Variants in PVT1 observed in about 807,000 individuals in gnomAD.
PVT1 encodes the protein Pvt1 oncogene.
intron 3 of PVT1, among the ~76,000 whole-genome samples, chr8:127,985,785 A>G (rs1816962668): frequency 6.6e-6 from 1 of 152,156 alleles, no homozygotes; most frequent in Non-Finnish European, 1.5e-5. Flanking sequence ...TGCAGGTACC[A>G]TAGTCTACCT....
At chr8:127,943,149 G>A (rs1025568052) in intron 3 of PVT1, among the ~76,000 whole-genome samples, 2 of 152,196 alleles carry the variant, frequency 1.3e-5, no homozygotes, top group African/African-American at 4.8e-5. Flanking sequence ...GACAGAAGGA[G>A]GTCCTGCACA....
chr8:127,981,121 C>T lies in PVT1; in HGVS notation n.783-8041C>T, dbSNP rs149538756. On this transcript the variant is annotated intron_variant and non_coding_transcript_variant, in intron 3 of 10. Coordinates refer to ENST00000651587, the Ensembl canonical transcript of PVT1. ...TTAGAGCCCAGCTTATACCCAGTTA[C>T]TTAGCTTCTGTGTGTGTGTGTGTTT... 2.2e-4 allele frequency among the ~76,000 whole-genome samples: 33 copies of T among 152,224 alleles called. 1 individual carries two copies. The highest frequency in any genetic ancestry group is 2.9e-5 in the Non-Finnish European group (2 of 68,004).
chr8:127,845,440 A>C (rs917482948), intron 2 of PVT1, among the ~76,000 whole-genome samples: 1 of 152,106 alleles, frequency 6.6e-6, no homozygotes, highest in African/African-American at 2.4e-5. Context: ...GACAGAGGGG[A>C]GAGGGTGAAA....
intron 3 of PVT1, among the ~76,000 whole-genome samples, chr8:127,956,719 G>A (rs550925602): frequency 1.3e-5 from 2 of 152,336 alleles, no homozygotes; most frequent in Middle Eastern, 3.4e-3. Flanking sequence ...TCTTGACCTC[G>A]TGATCCGCCT....
intron 4 of PVT1, among the ~76,000 whole-genome samples, chr8:128,038,148 C>T (rs759988344): frequency 9.9e-5 from 15 of 152,124 alleles, no homozygotes; most frequent in Non-Finnish European, 2.1e-4. Context: ...CTTCTTGACC[C>T]TTCGAAAAAT....
chr8:127,912,332 TATA>T (rs1156848805), intron 3 of PVT1, among the ~76,000 whole-genome samples: 1 of 152,224 alleles, frequency 6.6e-6, no homozygotes, highest in East Asian at 1.9e-4. Context: ...GCAACCACCC[TATA>T]ATAAGTACTA....
At chr8:127,954,852 GTGTGC>G (rs1211798625) in intron 3 of PVT1, among the ~76,000 whole-genome samples, 19 of 152,300 alleles carry the variant, frequency 1.2e-4, no homozygotes, top group African/African-American at 4.6e-4. Context: ...AGCGCTTTCT[GTGTGC>G]TGCCACATTT....
chr8:127,968,675 C>T (rs1816729507), intron 3 of PVT1, among the ~76,000 whole-genome samples: 1 of 152,158 alleles, frequency 6.6e-6, no homozygotes, highest in African/African-American at 2.4e-5. Flanking sequence ...GTCCTAACCC[C>T]TGTGCCCTTG....
At chr8:128,078,045 G>T (rs1198766069) in intron 5 of PVT1, among the ~76,000 whole-genome samples, 1 of 152,178 alleles carries the variant, frequency 6.6e-6, no homozygotes, top group Non-Finnish European at 1.5e-5. Flanking sequence ...TCTGACTTAG[G>T]GTGATCACAC....
intron 2 of PVT1, among the ~76,000 whole-genome samples, chr8:127,831,606 G>A (rs1033225466): frequency 6.6e-6 from 1 of 152,190 alleles, no homozygotes; most frequent in African/African-American, 2.4e-5. Context: ...ATGGCCACTA[G>A]TGGTAGGGGT....
Position 127,984,874 on chromosome 8 carries a change from TTTC to T in PVT1, n.783-4285_783-4283del, listed in dbSNP as rs1264646839. Among the ~76,000 whole-genome samples the T allele has an allele frequency of 6.7e-4, 55 of 82,446 alleles. 6 individuals are homozygous for T. The highest frequency in any genetic ancestry group is 2.0e-3 in the African/African-American group (48 of 23,876). The allele number at this position is 82,446 out of a possible 152,430, so 54.1% of individuals were successfully genotyped here. A position where few individuals can be genotyped will look rare whatever the true frequency, so the allele number is the denominator to read the frequency against. ...CTTTCTTTCTTTCTTTCTTTCTTTCTTTCTTTCTTTCTTTCTTTCTTTCTTTCT... is the reference window on the plus strand; with the variant it reads ...CTTTCTTTCTTTCTTTCTTTCTTTCTTTTCTTTCTTTCTTTCTTTCTTTCT... On this transcript the variant is annotated intron_variant and non_coding_transcript_variant, in intron 3 of 10. Transcript: ENST00000651587.
At chr8:127,959,814 G>A (rs938555797) in intron 3 of PVT1, among the ~76,000 whole-genome samples, 4 of 152,110 alleles carry the variant, frequency 2.6e-5, no homozygotes, top group Non-Finnish European at 5.9e-5. Context: ...TGAGCAGCCC[G>A]TCAGGAGCCC....
chr8:127,997,010 A>C (rs1376693919), intron 4 of PVT1, among the ~76,000 whole-genome samples: 2 of 145,642 alleles, frequency 1.4e-5, no homozygotes, highest in Non-Finnish European at 3.0e-5. Context: ...ACCCATGGGC[A>C]CTGAACTGGA....
chr8:128,085,153 C>A (rs1052388250), intron 5 of PVT1, among the ~76,000 whole-genome samples: 3 of 152,122 alleles, frequency 2.0e-5, no homozygotes, highest in African/African-American at 7.2e-5. Flanking sequence ...GACTGTCAAG[C>A]CGAAGAGGTC....
chr8:127,941,139 C>T (rs541588342), intron 3 of PVT1, among the ~76,000 whole-genome samples: 3 of 152,330 alleles, frequency 2.0e-5, no homozygotes, highest in Non-Finnish European at 4.4e-5. Flanking sequence ...CCTCCTCTCT[C>T]CATTTTCAAG....
intron 2 of PVT1, among the ~76,000 whole-genome samples, chr8:127,862,586 A>C (rs1815240292): frequency 6.6e-6 from 1 of 152,138 alleles, no homozygotes; most frequent in South Asian, 2.1e-4. Context: ...ATGCCCAGCT[A>C]ATTTTAAAAT....
intron 4 of PVT1, among the ~76,000 whole-genome samples, chr8:128,058,310 A>G (rs190989479): frequency 2.0e-3 from 303 of 152,282 alleles, no homozygotes; most frequent in Non-Finnish European, 4.0e-3. Context: ...AAAACAGTAC[A>G]TACCTCTTCC....
At chr8:127,957,566 C>CAAAAAAA (rs56796489) in intron 3 of PVT1, among the ~76,000 whole-genome samples, 5 of 91,716 alleles carry the variant, frequency 5.5e-5, no homozygotes, top group Non-Finnish European at 8.8e-5. Context: ...GACTCCGTCT[C>CAAAAAAA]AAAAAAAAAA....
At chr8:127,981,191 G>A (rs1429394373) in intron 3 of PVT1, among the ~76,000 whole-genome samples, 3 of 152,192 alleles carry the variant, frequency 2.0e-5, no homozygotes, top group Non-Finnish European at 4.4e-5. Context: ...CAGGGAGGAT[G>A]AGATGGAATC....
Sources: gnomAD v4.1 joint callset for allele counts (sites outside exome capture counted in the v4.1 genomes callset) on GRCh38, gnomAD v4.1.1 for gene constraint, MANE v1.5 for transcripts, NCBI Gene and HGNC (gene_info 2026-07-23, HGNC 2026-07-21) for gene names.